The following SRD5A2 variants were observed in gnomAD, a reference collection of about 807,000 sequenced individuals.
The protein encoded by SRD5A2 is steroid 5 alpha-reductase 2.
In SRD5A2, 30 loss-of-function variants were observed where a neutral mutation model predicts 27.4. The ratio of observed to expected loss-of-function variants is 1.10; its 90% CI spans 0.82 to 1.49. The LOEUF (loss-of-function observed/expected upper bound fraction) is 1.49, where lower values mean the gene tolerates loss of function less well. Among genes scored for constraint, SRD5A2 ranks in the 40% most tolerant of loss-of-function variants. The pLI is 0.00. For synonymous variants in SRD5A2, 141 were observed against 133.6 expected (o/e 1.06, Z -0.38); for missense variants, 348 against 323.4 (o/e 1.08, Z -0.58).
chr2:31,529,548 G>C, intron 3 of SRD5A2, 91 bp from the exon 4 acceptor site: 1 of 1,512,514 alleles, frequency 6.6e-7, no homozygotes, highest in Non-Finnish European at 8.9e-7. Flanking sequence ...CACAAAGGCA[G>C]CAAGAACAAA....
chr2:31,662,193 C>T, the SRD5A2 span, among the ~76,000 whole-genome samples: 33 of 152,224 alleles, frequency 2.2e-4, no homozygotes, highest in African/African-American at 7.5e-4. Flanking sequence ...GTTTCTTTAA[C>T]ATCTAATAGT....
the SRD5A2 span, among the ~76,000 whole-genome samples, chr2:31,657,428 G>T: frequency 8.9e-3 from 1,353 of 152,240 alleles, 6 homozygotes; most frequent in Non-Finnish European, 0.012. Flanking sequence ...GAGACAGTCT[G>T]TTTCCCAAGT....
the SRD5A2 span, among the ~76,000 whole-genome samples, chr2:31,648,369 T>A: frequency 1.3e-5 from 2 of 152,224 alleles, no homozygotes; most frequent in Non-Finnish European, 2.9e-5. Flanking sequence ...TAAGGTCTAG[T>A]CCAGCCATGT....
the SRD5A2 span, among the ~76,000 whole-genome samples, chr2:31,597,116 TAAA>T: frequency 6.6e-6 from 1 of 151,922 alleles, no homozygotes. Flanking sequence ...GGTACTGATT[TAAA>T]AACAGACACA....
At chr2:31,555,210 C>T (rs1466193922) in intron 1 of SRD5A2, among the ~76,000 whole-genome samples, 2 of 151,808 alleles carry the variant, frequency 1.3e-5, no homozygotes, top group Non-Finnish European at 2.9e-5. Context: ...GGATTTCAGA[C>T]ATTTTAGTCC....
chr2:31,531,897 G>C (rs1404125480), intron 2 of SRD5A2, among the ~76,000 whole-genome samples: 1 of 152,188 alleles, frequency 6.6e-6, no homozygotes, highest in African/African-American at 2.4e-5. Flanking sequence ...AGGTTGCACT[G>C]AGAAAGGGGG....
chr2:31,630,359 G>C, the SRD5A2 span, among the ~76,000 whole-genome samples: 1 of 152,198 alleles, frequency 6.6e-6, no homozygotes, highest in Non-Finnish European at 1.5e-5. Context: ...GAGAGAAAAA[G>C]AGAGATAGAA....
the SRD5A2 span, among the ~76,000 whole-genome samples, chr2:31,594,561 T>C: frequency 6.6e-6 from 1 of 152,158 alleles, no homozygotes; most frequent in Non-Finnish European, 1.5e-5. Context: ...AAACAATTAC[T>C]ACCAGACCTA....
At chr2:31,543,469 A>T (rs549688381) in intron 1 of SRD5A2, among the ~76,000 whole-genome samples, 2 of 152,296 alleles carry the variant, frequency 1.3e-5, no homozygotes, top group East Asian at 1.9e-4. Context: ...AATACTTTTT[A>T]AAAAAACAAT....
intron 1 of SRD5A2, among the ~76,000 whole-genome samples, chr2:31,556,187 TA>T (rs1666490509): frequency 6.6e-6 from 1 of 152,196 alleles, no homozygotes; most frequent in Non-Finnish European, 1.5e-5. Flanking sequence ...CTTGTTTGTA[TA>T]TTTGGATGGT....
chr2:31,638,021 T>G, the SRD5A2 span, among the ~76,000 whole-genome samples: 11 of 152,120 alleles, frequency 7.2e-5, no homozygotes, highest in Non-Finnish European at 1.2e-4. Flanking sequence ...CATCATTAGG[T>G]TGTTTATTTG....
chr2:31,648,632 C>A, the SRD5A2 span, among the ~76,000 whole-genome samples: 2 of 152,184 alleles, frequency 1.3e-5, no homozygotes, highest in African/African-American at 2.4e-5. Context: ...GCTGCTTCCT[C>A]TTAAAAGAAA....
chr2:31,598,217 T>C, the SRD5A2 span, among the ~76,000 whole-genome samples: 3,328 of 152,194 alleles, frequency 0.022, 118 homozygotes, highest in African/African-American at 0.074. Context: ...AAGCATTGTA[T>C]GTTCTCACTT....
At chr2:31,645,974 G>A in the SRD5A2 span, among the ~76,000 whole-genome samples, 3 of 151,944 alleles carry the variant, frequency 2.0e-5, no homozygotes, top group Admixed American at 2.0e-4. Flanking sequence ...TGTCTATCCC[G>A]CCTACCTCAC....
chr2:31,611,311 A>C, the SRD5A2 span, among the ~76,000 whole-genome samples: 2 of 152,246 alleles, frequency 1.3e-5, no homozygotes, highest in African/African-American at 4.8e-5. Context: ...AAGCCAAAAA[A>C]TTTGGGATCG....
At chr2:31,596,883 T>C in the SRD5A2 span, among the ~76,000 whole-genome samples, 11 of 152,200 alleles carry the variant, frequency 7.2e-5, no homozygotes, top group Admixed American at 6.6e-4. Context: ...AGCTCATGGA[T>C]GGGTAGAATC....
At chr2:31,531,295 C>T (rs1665900333) in intron 3 of SRD5A2, 76 bp downstream of exon 3, 44 of 1,088,560 alleles carry the variant, frequency 4.0e-5, no homozygotes, top group Non-Finnish European at 5.7e-5. Context: ...TGTCCCCTCT[C>T]CATCTGCTAC....
chr2:31,638,107 T>C, the SRD5A2 span, among the ~76,000 whole-genome samples: 1 of 152,086 alleles, frequency 6.6e-6, no homozygotes, highest in Non-Finnish European at 1.5e-5. Flanking sequence ...CTGTATCCCA[T>C]AGATTTTGAT....
chr2:31,606,292 C>T, the SRD5A2 span, among the ~76,000 whole-genome samples: 536 of 152,004 alleles, frequency 3.5e-3, 1 homozygote, highest in African/African-American at 0.012. Flanking sequence ...ACTAAAAGAG[C>T]ATAATTGGAT....
Sources: gnomAD v4.1 joint callset for allele counts (sites outside exome capture counted in the v4.1 genomes callset) on GRCh38, gnomAD v4.1.1 for gene constraint, MANE v1.5 for transcripts, NCBI Gene and HGNC (gene_info 2026-07-23, HGNC 2026-07-21) for gene names.